Variants in DMD observed in about 807,000 individuals in gnomAD.
The protein encoded by DMD is mutant dystrophin.
DMD carries 63 observed loss-of-function variants against 330.1 expected under a neutral mutation model. The observed-to-expected ratio is 0.19, with a 90% CI of 0.16 to 0.24. The LOEUF (loss-of-function observed/expected upper bound fraction) is 0.24. Ranked by LOEUF, DMD falls within the 10% of genes least tolerant of loss-of-function variation. The pLI is 1.00. For missense variants in DMD, 3,344 were observed against 2,684.1 expected (o/e 1.25, Z -5.43); for synonymous variants, 1,223 against 959.8 (o/e 1.27, Z -5.07).
intron 62 of DMD, among the ~76,000 whole-genome samples, chrX:31,321,292 A>T (rs776906878): frequency 7.2e-5 from 8 of 110,921 alleles, no homozygotes; most frequent in Non-Finnish European, 1.1e-4. Flanking sequence ...ATAAATTAGA[A>T]ACCAAGGTTT....
chrX:33,159,211 G>A (rs187229783), intron 1 of DMD: 14 of 111,962 alleles, frequency 1.3e-4, no homozygotes, highest in Admixed American at 2.8e-4. Flanking sequence ...CGGGCTTAGT[G>A]AAATTTCATA....
intron 1 of DMD, among the ~76,000 whole-genome samples, chrX:33,238,858 G>T (rs1479757009): frequency 9.0e-6 from 1 of 111,151 alleles, no homozygotes; most frequent in African/African-American, 3.3e-5. Flanking sequence ...TGCTATCTAG[G>T]TTTAAGTGAG....
At chrX:32,501,274 G>T (rs902608453) in intron 19 of DMD, among the ~76,000 whole-genome samples, 1 of 111,905 alleles carries the variant, frequency 8.9e-6, no homozygotes, top group Admixed American at 9.5e-5. Flanking sequence ...TTTTTTAAAT[G>T]AGAGGAAGTG....
intron 55 of DMD, among the ~76,000 whole-genome samples, chrX:31,593,764 A>G (rs1371336173): frequency 9.0e-6 from 1 of 110,908 alleles, no homozygotes; most frequent in Non-Finnish European, 1.9e-5. Context: ...TTATGTAATT[A>G]GAGTTAAAAA....
intron 55 of DMD, among the ~76,000 whole-genome samples, chrX:31,535,668 T>C (rs2073336400): frequency 8.9e-6 from 1 of 111,823 alleles, no homozygotes; most frequent in Admixed American, 9.5e-5. Context: ...CAGTTTACTG[T>C]ATGATTGTTT....
intron 1 of DMD, among the ~76,000 whole-genome samples, chrX:33,045,340 A>ACACACACAC (rs1569551361): frequency 9.2e-6 from 1 of 109,109 alleles, no homozygotes; most frequent in Non-Finnish European, 1.9e-5. Flanking sequence ...ACACACACAC[A>ACACACACAC]AGTATTTCGT....
At chrX:32,687,443 C>A (rs1284896883) in intron 9 of DMD, among the ~76,000 whole-genome samples, 3 of 111,580 alleles carry the variant, frequency 2.7e-5, no homozygotes, top group African/African-American at 9.8e-5. Context: ...AGGATGGACC[C>A]CTGACTATGG....
chrX:32,322,291 G>C (rs2097620978), intron 41 of DMD, among the ~76,000 whole-genome samples: 2 of 111,610 alleles, frequency 1.8e-5, no homozygotes, highest in South Asian at 7.5e-4. Flanking sequence ...ATAAGTGGTG[G>C]GTCACAACTG....
chrX:31,738,004 C>A (rs1457941352), intron 51 of DMD, among the ~76,000 whole-genome samples: 1 of 111,763 alleles, frequency 8.9e-6, no homozygotes, highest in African/African-American at 3.2e-5. Context: ...TTTTAAAAAT[C>A]AGTTTGAGGT....
intron 17 of DMD, among the ~76,000 whole-genome samples, chrX:32,535,807 ATATT>A (rs1468019954): frequency 8.9e-6 from 1 of 111,826 alleles, no homozygotes; most frequent in Non-Finnish European, 1.9e-5. Flanking sequence ...CATCCAATAA[ATATT>A]TATTCAATAC....
chrX:32,810,266 T>C (rs1221651150), intron 6 of DMD, among the ~76,000 whole-genome samples: 1 of 112,204 alleles, frequency 8.9e-6, no homozygotes, highest in East Asian at 2.8e-4. Context: ...AAAATTTATC[T>C]ATCTCATCCA....
intron 74 of DMD, among the ~76,000 whole-genome samples, chrX:31,154,280 TG>T (rs199825879): frequency 0.046 from 5,063 of 109,662 alleles, 193 homozygotes; most frequent in South Asian, 0.15. Context: ...GTTATTCTAA[TG>T]TTTTTTTTTT....
At chrX:32,083,201 C>T (rs1413672911) in intron 44 of DMD, among the ~76,000 whole-genome samples, 1 of 111,933 alleles carries the variant, frequency 8.9e-6, no homozygotes, top group Non-Finnish European at 1.9e-5. Flanking sequence ...ATGGAGGCTT[C>T]CAACTAGCAA....
At chrX:31,403,982 A>C (rs1356244053) in intron 60 of DMD, among the ~76,000 whole-genome samples, 2 of 110,590 alleles carry the variant, frequency 1.8e-5, no homozygotes, top group Admixed American at 1.9e-4. Context: ...CCAGTTTAGG[A>C]TGATGAATAA....
intron 37 of DMD, among the ~76,000 whole-genome samples, chrX:32,361,640 A>G (rs148704423): frequency 0.015 from 1,726 of 111,959 alleles, 16 homozygotes; most frequent in Non-Finnish European, 0.024. Context: ...AAACTACTTT[A>G]AATATGTACT....
At chrX:32,205,440 A>T (rs2097063826) in intron 44 of DMD, among the ~76,000 whole-genome samples, 1 of 108,859 alleles carries the variant, frequency 9.2e-6, no homozygotes, top group Non-Finnish European at 1.9e-5. Flanking sequence ...AAGCTTTCCC[A>T]ATTCTTCTGG....
chrX:32,511,772 T>C (rs185028060), intron 18 of DMD, among the ~76,000 whole-genome samples: 2 of 111,236 alleles, frequency 1.8e-5, no homozygotes, highest in African/African-American at 6.5e-5. Context: ...TCTACATGCA[T>C]ATACATTTTT....
At chrX:31,422,018 A>AAC (rs2063453226) in intron 60 of DMD, among the ~76,000 whole-genome samples, 10 of 36,004 alleles carry the variant, frequency 2.8e-4, no homozygotes, top group South Asian at 3.4e-3. Flanking sequence ...TATATATATA[A>AAC]ACACACACAC....
At position 31,521,881 on chromosome X, in the gene DMD, T is replaced by C. The variant is rs749933270; in HGVS notation, c.8218-14428A>G. Among the ~76,000 whole-genome samples the C allele has an allele frequency of 3.5e-4, 39 of 111,958 alleles. No homozygotes were observed. The Middle Eastern group carries it at 0.014, about 40-fold the overall frequency. On this transcript the variant is annotated intron_variant, in intron 55 of 78. Coordinates refer to ENST00000357033, the MANE Select transcript of DMD (RefSeq NM_004006.3). ...TCTCTTCCTTTTACACATTCACTTT[T>C]TGATGTTTTCCTTTTGTGGGCTGGC...
Sources: gnomAD v4.1 joint callset for allele counts (sites outside exome capture counted in the v4.1 genomes callset) on GRCh38, gnomAD v4.1.1 for gene constraint, MANE v1.5 for transcripts, NCBI Gene and HGNC (gene_info 2026-07-23, HGNC 2026-07-21) for gene names.